Variants in SNRNP70 observed in about 807,000 individuals in gnomAD.
SNRNP70 encodes small nuclear ribonucleoprotein U1 subunit 70.
Under a neutral mutation model 50.5 loss-of-function variants are expected in SNRNP70, and 8 were observed. The ratio of observed to expected loss-of-function variants is 0.16; its 90% CI spans 0.09 to 0.29. The LOEUF (loss-of-function observed/expected upper bound fraction) is 0.29. Ranked by LOEUF, SNRNP70 falls within the 10% of genes least tolerant of loss-of-function variation. SNRNP70 has a pLI of 1.00. For synonymous variants in SNRNP70, 320 were observed against 252.9 expected, an observed-to-expected ratio of 1.27 and a Z score of -2.52; for missense variants, 529 against 663.5, an observed-to-expected ratio of 0.80 and a Z score of 2.23.
In SNRNP70 at chr19:49,108,161, G is replaced by A. The variant is rs950442876; in HGVS notation, c.1032G>A (p.Glu344=). ...ELGPDGPDGP[E]EKGRDRDRER... The stretch of plus-strand genomic sequence containing the variant: ...GGCCTGACGGCCCTGACGGTCCAGA[G>A]GAAAAGGGCCGGGATCGTGACCGGG... The change falls in exon 10 of 10, where the codon GAG becomes GAA. Residue 344 remains glutamate (E), a synonymous_variant. Transcript: ENST00000598441. 16 of 1,543,920 alleles carry A rather than the reference G, an allele frequency of 1.0e-5. No homozygotes were observed. Among genetic ancestry groups the A allele is most frequent in the Non-Finnish European group, 1.3e-5 (15 of 1,144,670 alleles).
At chr19:49,098,985 C>A (rs1464791278) in intron 6 of SNRNP70, among the ~76,000 whole-genome samples, 1 of 152,208 alleles carries the variant, frequency 6.6e-6, no homozygotes, top group Non-Finnish European at 1.5e-5. Flanking sequence ...TACACATTGT[C>A]TTTGGCTGCT....
chr19:49,089,199 G>T (rs1169013455), intron 2 of SNRNP70, among the ~76,000 whole-genome samples: 2 of 152,160 alleles, frequency 1.3e-5, no homozygotes, highest in Non-Finnish European at 2.9e-5. Context: ...AGGAGTTCAA[G>T]ACCAGCCAGG....
chr19:49,097,481 G>T (rs78685900), intron 4 of SNRNP70, among the ~76,000 whole-genome samples: 4,540 of 152,250 alleles, frequency 0.03, 90 homozygotes, highest in South Asian at 0.063. Flanking sequence ...CATCACCAGG[G>T]TCTGATTTTT....
Position 49,085,493 on chromosome 19 carries a change from G to T in SNRNP70, c.-154G>T, listed in dbSNP as rs973142527. The stretch of plus-strand genomic sequence containing the variant: ...GCGCGGGTGGCTGAGCAGCGGCCTG[G>T]TGCGCTCGCTTAGCGGGCGACGGAA... On this transcript the variant is annotated 5_prime_UTR_variant, in exon 1 of 10. Coordinates refer to ENST00000598441, the MANE Select transcript of SNRNP70 (RefSeq NM_003089.6). 8 of 453,408 alleles carry T rather than the reference G, an allele frequency of 1.8e-5. No individual in the cohort carries two copies. The highest frequency in any genetic ancestry group is 3.3e-4 in the Middle Eastern group (1 of 3,058). The allele number at this position is 453,408 out of a possible 1,614,324, so 28.1% of individuals were successfully genotyped here.
rs1478416403 is a variant in SNRNP70, at chr19:49,098,402, A to G, written c.266-25A>G. The stretch of plus-strand genomic sequence containing the variant: ...CTGAGACCATGGACACCTTCAACTT[A>G]TAAAATTCCTTTCTTCCTGCACAGG... On this transcript the variant is annotated intron_variant, in intron 4 of 9. Coordinates refer to ENST00000598441, the MANE Select transcript of SNRNP70 (RefSeq NM_003089.6). 3 of 1,595,510 alleles carry G rather than the reference A, an allele frequency of 1.9e-6. No individual in the cohort carries two copies. In the South Asian group the frequency reaches 3.3e-5, roughly 18 times the overall value.
At chr19:49,091,054 G>A (rs563823578) in intron 4 of SNRNP70, among the ~76,000 whole-genome samples, 2 of 152,162 alleles carry the variant, frequency 1.3e-5, no homozygotes, top group Non-Finnish European at 2.9e-5. Context: ...GGGGACCGTG[G>A]ATGTGATGGT....
intron 6 of SNRNP70, 30 bp downstream of exon 6, chr19:49,098,734 T>C: frequency 1.3e-6 from 2 of 1,565,682 alleles, no homozygotes; most frequent in South Asian, 2.2e-5. Context: ...GTGTTTGAAT[T>C]GGGGGTGCAT....
rs186927573 is a variant in SNRNP70, at chr19:49,089,731, C to T, written c.148-560C>T. 1.9e-3 allele frequency among the ~76,000 whole-genome samples: 250 copies of T among 134,558 alleles called. 4 individuals are homozygous for T. Among genetic ancestry groups the T allele is most frequent in the African/African-American group, 6.7e-3 (244 of 36,330 alleles). The allele number at this position is 134,558 out of a possible 152,430, so 88.3% of individuals were successfully genotyped here. ...AGGCTGGAGTGCAGTGGTGCGATCTCGGCTCACTGCAACCTCCGCCTCCTG... is the reference window on the plus strand; with the variant it reads ...AGGCTGGAGTGCAGTGGTGCGATCTTGGCTCACTGCAACCTCCGCCTCCTG... On this transcript the variant is annotated intron_variant, in intron 2 of 9. Coordinates refer to ENST00000598441, the MANE Select transcript of SNRNP70 (RefSeq NM_003089.6).
intron 4 of SNRNP70, among the ~76,000 whole-genome samples, chr19:49,095,724 G>A (rs1312782566): frequency 1.3e-5 from 2 of 151,942 alleles, no homozygotes; most frequent in African/African-American, 4.8e-5. Flanking sequence ...AGGTTTCGCT[G>A]TGTTGATCAG....
Position 49,085,552 on chromosome 19 carries a change from C to T in SNRNP70, c.-95C>T, listed in dbSNP as rs1224921389. ...ACGTGGACGCCCCCGGAGTGGAAGC[C>T]GAAGCAGGAGTTGTTGTTGCTGAGG... On this transcript the variant is annotated 5_prime_UTR_variant, in exon 1 of 10. Transcript: ENST00000598441. 2.2e-6 allele frequency: 1 copy of T among 455,896 alleles called. No homozygotes were observed. Among genetic ancestry groups the T allele is most frequent in the East Asian group, 6.9e-5 (1 of 14,402 alleles). 28.2% of individuals were successfully genotyped at this position (455,896 alleles called of 1,614,324 possible).
Position 49,104,545 on chromosome 19 carries a change from G to T in SNRNP70, c.476-89G>T. 1.0e-6 allele frequency: 1 copy of T among 977,434 alleles called. No homozygotes were observed. 60.5% of individuals were successfully genotyped at this position (977,434 alleles called of 1,614,324 possible). On this transcript the variant is annotated intron_variant, in intron 7 of 9. Coordinates refer to ENST00000598441, the MANE Select transcript of SNRNP70 (RefSeq NM_003089.6). The surrounding 1 kb of genome is among the most constrained non-coding windows in gnomAD (Gnocchi z 5.4). ...TGCGTGTGCGTGATGATGGGGACAC[G>T]GGGCGGGGATTCTGTAGAGCTGGGC...
intron 4 of SNRNP70, among the ~76,000 whole-genome samples, chr19:49,095,156 A>G (rs1297948649): frequency 3.3e-5 from 5 of 152,128 alleles, no homozygotes; most frequent in African/African-American, 1.2e-4. Flanking sequence ...CTTTAGTCAC[A>G]TTTGTGGCCC....
intron 7 of SNRNP70, chr19:49,102,347 C>A: frequency 5.5e-6 from 2 of 364,582 alleles, no homozygotes; most frequent in Admixed American, 3.2e-5. Flanking sequence ...CCTCCTGCCC[C>A]GATCCGTATG....
intron 8 of SNRNP70, among the ~76,000 whole-genome samples, chr19:49,105,467 G>A (rs1039771762): frequency 3.3e-5 from 5 of 152,088 alleles, no homozygotes; most frequent in African/African-American, 1.2e-4. Context: ...GTGGTGGCTC[G>A]CCTGTAATCC....
At chr19:49,097,837 T>G in intron 4 of SNRNP70, among the ~76,000 whole-genome samples, 1 of 152,158 alleles carries the variant, frequency 6.6e-6, no homozygotes, top group East Asian at 1.9e-4. Context: ...GAATCTGATC[T>G]GACGCTAGTC....
intron 8 of SNRNP70, among the ~76,000 whole-genome samples, chr19:49,105,925 A>G (rs111245626): frequency 0.03 from 4,548 of 152,254 alleles, 97 homozygotes; most frequent in Middle Eastern, 0.071. Context: ...GGGTGGGCAC[A>G]TTTGATTGAC....
intron 4 of SNRNP70, among the ~76,000 whole-genome samples, chr19:49,090,909 A>C (rs1568417953): frequency 6.6e-6 from 1 of 152,136 alleles, no homozygotes; most frequent in African/African-American, 2.4e-5. Flanking sequence ...TAGAGGAGGA[A>C]TTGGAGTACA....
chr19:49,096,348 T>A (rs888100208), intron 4 of SNRNP70, among the ~76,000 whole-genome samples: 9 of 152,088 alleles, frequency 5.9e-5, no homozygotes, highest in African/African-American at 2.2e-4. Context: ...TGAGCCACTG[T>A]GCCCAGCCTG....
At position 49,108,459 on chromosome 19, in the gene SNRNP70, C is replaced by T. The variant is rs781371076; in HGVS notation, c.*16C>T. ...GCCGGAGTGAAGAGGTCGTCCTCTCCATCTGCTGTGTTTGGACGCGTTCCT... is the reference window on the plus strand; with the variant it reads ...GCCGGAGTGAAGAGGTCGTCCTCTCTATCTGCTGTGTTTGGACGCGTTCCT... On this transcript the variant is annotated 3_prime_UTR_variant, in exon 10 of 10. Transcript: ENST00000598441. 102 of 1,580,372 alleles carry T rather than the reference C, an allele frequency of 6.5e-5. 1 individual carries two copies. The South Asian group carries it at 8.5e-4, about 13-fold the overall frequency.
Sources: allele counts gnomAD v4.1 joint callset (sites outside exome capture counted in the v4.1 genomes callset), GRCh38; gene constraint gnomAD v4.1.1; non-coding constraint Gnocchi (gnomAD v3.1); transcripts MANE v1.5; gene names NCBI Gene and HGNC (gene_info 2026-07-23, HGNC 2026-07-21).